Variants in FRMD4A observed in about 807,000 individuals in gnomAD.
The protein encoded by FRMD4A is FERM domain-containing protein 4A.
In FRMD4A, 29 loss-of-function variants were observed where a neutral mutation model predicts 129.1. The observed-to-expected ratio is 0.22, with a 90% CI of 0.17 to 0.31. The LOEUF (loss-of-function observed/expected upper bound fraction) is 0.31. Ranked by LOEUF, FRMD4A falls within the 10% of genes least tolerant of loss-of-function variation. The pLI is 1.00. For missense variants in FRMD4A, 1,272 were observed against 1,375.8 expected (o/e 0.92, Z 1.19); for synonymous variants, 634 against 571.6 (o/e 1.11, Z -1.56).
intron 2 of FRMD4A, among the ~76,000 whole-genome samples, chr10:14,035,976 A>G (rs1833482159): frequency 6.6e-6 from 1 of 150,460 alleles, no homozygotes; most frequent in Admixed American, 6.7e-5. Context: ...TGGGAGGCGG[A>G]GGTTGCAGTG....
chr10:13,946,852 G>A (rs981336659), intron 2 of FRMD4A, among the ~76,000 whole-genome samples: 1 of 152,176 alleles, frequency 6.6e-6, no homozygotes, highest in African/African-American at 2.4e-5. Context: ...GCTGAGTGCT[G>A]TGAGCTGGCC....
chr10:13,652,238 A>T (rs1463213451), intron 23 of FRMD4A: 1 of 511,548 alleles, frequency 2.0e-6, no homozygotes, highest in Non-Finnish European at 3.5e-6. Flanking sequence ...AGTTTATGCC[A>T]AGAACCAAAA....
intron 2 of FRMD4A, among the ~76,000 whole-genome samples, chr10:14,017,518 A>G (rs762317470): frequency 6.6e-6 from 1 of 152,232 alleles, no homozygotes; most frequent in Admixed American, 6.5e-5. Context: ...CTCAAATTTC[A>G]GGTGTCTTAA....
rs572343116 is a variant in FRMD4A at position 14,219,013 on chromosome 10, C to T, written c.45+111045G>A. Among the ~76,000 whole-genome samples, 19 of 131,682 alleles carry T rather than the reference C, an allele frequency of 1.4e-4. No homozygotes were observed. The South Asian group carries it at 3.6e-3, about 25-fold the overall frequency. The allele number at this position is 131,682 out of a possible 152,430, so 86.4% of individuals were successfully genotyped here. A position where few individuals can be genotyped will look rare whatever the true frequency, so the allele number is the denominator to read the frequency against. The stretch of plus-strand genomic sequence containing the variant: ...AAAAAAAAGATGTGTTTTAGCTATA[C>T]ACTTGGTAATCATAGTAAGAAGGGG... On this transcript the variant is annotated intron_variant, in intron 2 of 24. Transcript: ENST00000357447.
In FRMD4A at chr10:13,834,029, G is replaced by T. The variant is rs537695447; in HGVS notation, c.112-23121C>A. 2.6e-3 allele frequency among the ~76,000 whole-genome samples: 399 copies of T among 152,210 alleles called. 1 individual carries two copies. The highest frequency in any genetic ancestry group is 3.5e-3 in the Non-Finnish European group (239 of 68,018). On this transcript the variant is annotated intron_variant, in intron 3 of 24. Transcript: ENST00000357447. ...TCCCAGGACTTTGGGAGGCCACGGG[G>T]GAGGTGGGTGGATCACCTGAGATCA...
chr10:13,994,741 C>T (rs1415138524), intron 2 of FRMD4A, among the ~76,000 whole-genome samples: 1 of 152,186 alleles, frequency 6.6e-6, no homozygotes, highest in Admixed American at 6.5e-5. Context: ...AAGAACAACG[C>T]ATACATACAT....
chr10:14,093,107 A>G lies in FRMD4A; in HGVS notation c.46-234195T>C, dbSNP rs576490083. Among the ~76,000 whole-genome samples the G allele has an allele frequency of 3.9e-5, 6 of 152,290 alleles. No individual in the cohort carries two copies. The South Asian group carries it at 1.2e-3, about 32-fold the overall frequency. On this transcript the variant is annotated intron_variant, in intron 2 of 24. Transcript: ENST00000357447. ...GGATCACATGAGAGAGGGGAGGTAC[A>G]GAGGCCGTGGAATGACTGTGCCTGC...
At chr10:13,749,306 A>G (rs879789227) in intron 8 of FRMD4A, among the ~76,000 whole-genome samples, 1 of 152,214 alleles carries the variant, frequency 6.6e-6, no homozygotes, top group Non-Finnish European at 1.5e-5. Context: ...CCACCAGGAC[A>G]CTGGGCAGTG....
At chr10:13,871,931 C>T (rs181905392) in intron 2 of FRMD4A, among the ~76,000 whole-genome samples, 415 of 152,356 alleles carry the variant, frequency 2.7e-3, no homozygotes, top group African/African-American at 8.9e-3. Context: ...CTCGGCCACC[C>T]GGGGCTGTGG....
At chr10:14,073,144 C>A (rs1349715328) in intron 2 of FRMD4A, among the ~76,000 whole-genome samples, 1 of 152,222 alleles carries the variant, frequency 6.6e-6, no homozygotes, top group Non-Finnish European at 1.5e-5. Flanking sequence ...CTCCATCTCT[C>A]AGCTCAGAGG....
chr10:14,246,044 AGACTCAAGGGCT>A (rs1277327485), intron 2 of FRMD4A, among the ~76,000 whole-genome samples: 1 of 152,118 alleles, frequency 6.6e-6, no homozygotes, highest in Non-Finnish European at 1.5e-5. Context: ...GAGGCAAAGG[AGACTCAAGGGCT>A]GTCTGCCCTG....
chr10:14,132,539 C>T (rs1276295103), intron 2 of FRMD4A, among the ~76,000 whole-genome samples: 1 of 152,102 alleles, frequency 6.6e-6, no homozygotes. Context: ...TTGTTCCCCA[C>T]GTGTACCTGG....
rs1477124460 is a variant in FRMD4A at position 14,127,992 on chromosome 10, CTCTCTCTCTT to C, written c.45+202056_45+202065del. Among the ~76,000 whole-genome samples the C allele has an allele frequency of 3.0e-4, 37 of 123,330 alleles. 5 individuals are homozygous for C. The highest frequency in any genetic ancestry group is 1.4e-3 in the Admixed American group (16 of 11,708). 80.9% of individuals were successfully genotyped at this position (123,330 alleles called of 152,430 possible). A position where few individuals can be genotyped will look rare whatever the true frequency, so the allele number is the denominator to read the frequency against. The stretch of plus-strand genomic sequence containing the variant: ...TTTCTTTCTTTCCTTCTCTCTCTCT[CTCTCTCTCTT>C]TCTTTCTTTCTTCCTTCCTTCCTTC... On this transcript the variant is annotated intron_variant, in intron 2 of 24. Transcript: ENST00000357447.
At chr10:14,216,131 C>T (rs1046799811) in intron 2 of FRMD4A, among the ~76,000 whole-genome samples, 9 of 152,128 alleles carry the variant, frequency 5.9e-5, no homozygotes, top group Non-Finnish European at 1.3e-4. Context: ...CAGCTTTGTA[C>T]AAACTGTGAT....
intron 2 of FRMD4A, among the ~76,000 whole-genome samples, chr10:14,039,077 G>T (rs1833638845): frequency 6.6e-6 from 1 of 152,140 alleles, no homozygotes; most frequent in Admixed American, 6.5e-5. Flanking sequence ...TACCGAGCTT[G>T]TTGCTTTCTA....
At chr10:13,857,290 G>A (rs1009565288) in intron 3 of FRMD4A, among the ~76,000 whole-genome samples, 1 of 152,080 alleles carries the variant, frequency 6.6e-6, no homozygotes, top group Non-Finnish European at 1.5e-5. Context: ...AGCTGTTCAG[G>A]AGAATGACAA....
intron 12 of FRMD4A, among the ~76,000 whole-genome samples, chr10:13,718,407 TGGAG>T (rs2089076940): frequency 6.6e-6 from 1 of 152,258 alleles, no homozygotes; most frequent in Admixed American, 6.5e-5. Context: ...ACTTTCCACT[TGGAG>T]GGCCTGACTT....
chr10:13,680,471 T>C (rs1177931402), intron 15 of FRMD4A, among the ~76,000 whole-genome samples: 1 of 152,070 alleles, frequency 6.6e-6, no homozygotes, highest in Non-Finnish European at 1.5e-5. Flanking sequence ...CTCATGCCTA[T>C]AATCCCAGCA....
chr10:13,660,421 C>T lies in FRMD4A; in HGVS notation c.1793G>A (p.Arg598His), dbSNP rs1407605418. 2.5e-6 allele frequency: 4 copies of T among 1,613,818 alleles called. No homozygotes were observed. The highest frequency in any genetic ancestry group is 2.2e-5 in the South Asian group (2 of 91,082). Residue 598 changes from arginine (R) to histidine (H), a missense_variant, in exon 20 of 25, where the codon CGC (arginine) becomes CAC (histidine). Arg to His is a conservative substitution (Grantham distance 29). Around this residue, in one of 2 missense-constraint regions of FRMD4A, gnomAD observed 972 missense variants for 892.3 expected, o/e 1.09. Coordinates refer to ENST00000357447, the MANE Select transcript of FRMD4A (RefSeq NM_018027.5). ...LEGLRQMHYHRNDYDKSPIKP... is the reference protein window; with the variant it reads ...LEGLRQMHYHHNDYDKSPIKP... ...GATGGGTGACTTGTCATAGTCGTTG[C>T]GGTGATAGTGCATCTGTCGGAGTCC...
Sources: allele counts gnomAD v4.1 joint callset (sites outside exome capture counted in the v4.1 genomes callset), GRCh38; gene constraint gnomAD v4.1.1; regional missense constraint gnomAD v4.1.1; transcripts MANE v1.5; gene names NCBI Gene and HGNC (gene_info 2026-07-23, HGNC 2026-07-21).